Variants in HHAT observed in about 807,000 individuals in gnomAD.
The protein encoded by HHAT is protein-cysteine N-palmitoyltransferase HHAT.
In HHAT, 47 loss-of-function variants were observed where a neutral mutation model predicts 70.8. The observed-to-expected ratio is 0.66, with a 90% CI of 0.53 to 0.85. HHAT has a LOEUF of 0.85. Among genes scored for constraint, HHAT ranks in the 40% least tolerant of loss-of-function variants. The pLI, the probability that HHAT is intolerant of heterozygous loss-of-function variation, is 0.00. For synonymous variants in HHAT, 228 were observed against 247.6 expected (o/e 0.92, Z 0.74); for missense variants, 609 against 604.8 (o/e 1.01, Z -0.07).
At chr1:210,527,192 C>A (rs1000062753) in intron 9 of HHAT, among the ~76,000 whole-genome samples, 9 of 152,244 alleles carry the variant, frequency 5.9e-5, no homozygotes, top group African/African-American at 1.9e-4. Context: ...TCTCTTCTTT[C>A]CTTTAGTGCA....
chr1:210,593,913 T>C (rs1301002777), intron 10 of HHAT, among the ~76,000 whole-genome samples: 1 of 152,202 alleles, frequency 6.6e-6, no homozygotes, highest in African/African-American at 2.4e-5. Context: ...CATTATATAA[T>C]GATGATATGT....
At chr1:210,423,032 G>T (rs2092952111) in intron 7 of HHAT, among the ~76,000 whole-genome samples, 1 of 152,128 alleles carries the variant, frequency 6.6e-6, no homozygotes, top group Non-Finnish European at 1.5e-5. Context: ...AGTAAACATG[G>T]GGTATAGATG....
chr1:210,590,195 C>G (rs1661346594), intron 10 of HHAT: 1 of 152,088 alleles, frequency 6.6e-6, no homozygotes, highest in African/African-American at 2.4e-5. Flanking sequence ...CCTCCAGTAC[C>G]CTGTTTCTTA....
intron 11 of HHAT, among the ~76,000 whole-genome samples, chr1:210,647,502 C>T (rs1433735899): frequency 1.3e-5 from 2 of 152,170 alleles, no homozygotes; most frequent in African/African-American, 2.4e-5. Context: ...ACAGAAATGT[C>T]ATATGGCACG....
intron 9 of HHAT, among the ~76,000 whole-genome samples, chr1:210,539,638 G>T (rs573585117): frequency 2.0e-5 from 3 of 152,192 alleles, no homozygotes; most frequent in African/African-American, 7.2e-5. Flanking sequence ...AGAGATGGGG[G>T]TGTTGTCAGC....
intron 8 of HHAT, among the ~76,000 whole-genome samples, chr1:210,483,222 G>C (rs930484246): frequency 1.3e-5 from 2 of 152,158 alleles, no homozygotes; most frequent in Non-Finnish European, 2.9e-5. Context: ...TTGCCATGGG[G>C]AGAGTGTTGG....
chr1:210,346,594 G>A (rs1208191394), intron 1 of HHAT, among the ~76,000 whole-genome samples: 16 of 152,226 alleles, frequency 1.1e-4, no homozygotes, highest in Admixed American at 1.0e-3. Context: ...GGATCTCTTA[G>A]GTTGCAGGAA....
chr1:210,462,164 C>A (rs909202837), intron 7 of HHAT, among the ~76,000 whole-genome samples: 1 of 152,128 alleles, frequency 6.6e-6, no homozygotes, highest in African/African-American at 2.4e-5. Context: ...ATGAAGCAAC[C>A]CATTTTTCCT....
At chr1:210,587,272 C>G (rs1045602718) in intron 9 of HHAT, among the ~76,000 whole-genome samples, 1 of 152,086 alleles carries the variant, frequency 6.6e-6, no homozygotes, top group African/African-American at 2.4e-5. Context: ...ACAATCATGG[C>G]AGAAGGTGAA....
At chr1:210,356,076 T>C (rs1052529167) in intron 2 of HHAT, among the ~76,000 whole-genome samples, 1 of 149,712 alleles carries the variant, frequency 6.7e-6, no homozygotes, top group Non-Finnish European at 1.5e-5. Context: ...AGTACCACAC[T>C]TGCACACTTG....
At chr1:210,470,704 G>A (rs2148458166) in intron 8 of HHAT, among the ~76,000 whole-genome samples, 1 of 152,252 alleles carries the variant, frequency 6.6e-6, no homozygotes, top group South Asian at 2.1e-4. Context: ...AGAGTAAGAA[G>A]CAATCTGATG....
At chr1:210,413,101 G>A (rs2092614123) in intron 6 of HHAT, among the ~76,000 whole-genome samples, 1 of 152,208 alleles carries the variant, frequency 6.6e-6, no homozygotes, top group African/African-American at 2.4e-5. Flanking sequence ...GCAGCAGAGA[G>A]GGTCAAAATA....
intron 8 of HHAT, among the ~76,000 whole-genome samples, chr1:210,465,494 C>T (rs930794024): frequency 6.6e-6 from 1 of 152,194 alleles, no homozygotes; most frequent in African/African-American, 2.4e-5. Flanking sequence ...GTGCCTTATT[C>T]ATGTGGCTCA....
intron 8 of HHAT, among the ~76,000 whole-genome samples, chr1:210,502,549 A>G (rs1013285187): frequency 6.6e-6 from 1 of 152,160 alleles, no homozygotes; most frequent in South Asian, 2.1e-4. Flanking sequence ...TGGCCGCATA[A>G]TTGTGGGAAA....
At chr1:210,608,151 T>A (rs554881960) in intron 10 of HHAT, among the ~76,000 whole-genome samples, 1 of 152,252 alleles carries the variant, frequency 6.6e-6, no homozygotes, top group Admixed American at 6.5e-5. Flanking sequence ...AGACTCCATT[T>A]CGAGATTCCT....
intron 2 of HHAT, among the ~76,000 whole-genome samples, chr1:210,356,382 G>C (rs1171850865): frequency 1.3e-5 from 2 of 151,326 alleles, no homozygotes; most frequent in Non-Finnish European, 2.9e-5. Context: ...CATGTCACAG[G>C]CTTTTTTTTT....
chr1:210,422,780 G>C (rs1037502954), intron 7 of HHAT, among the ~76,000 whole-genome samples: 12 of 152,104 alleles, frequency 7.9e-5, no homozygotes, highest in African/African-American at 2.9e-4. Flanking sequence ...GGGATTACAG[G>C]TGCCCACCAC....
intron 7 of HHAT, among the ~76,000 whole-genome samples, chr1:210,437,047 A>T (rs2093394101): frequency 6.6e-6 from 1 of 151,272 alleles, no homozygotes; most frequent in African/African-American, 2.4e-5. Context: ...GTGAGGTACC[A>T]CTCCCTCTTC....
chr1:210,485,582 A>G (rs2094462371), intron 8 of HHAT, among the ~76,000 whole-genome samples: 1 of 152,108 alleles, frequency 6.6e-6, no homozygotes, highest in Admixed American at 6.6e-5. Flanking sequence ...GGTAAATTAT[A>G]AAGAAAAAGA....
Sources: gnomAD v4.1 joint callset for allele counts (sites outside exome capture counted in the v4.1 genomes callset) on GRCh38, gnomAD v4.1.1 for gene constraint, MANE v1.5 for transcripts, NCBI Gene and HGNC (gene_info 2026-07-23, HGNC 2026-07-21) for gene names.